TAOK1: variants seen among roughly 807,000 people sequenced by gnomAD.
TAOK1 encodes serine/threonine-protein kinase TAO1.
A neutral mutation model predicts 138.3 loss-of-function variants in TAOK1; 21 were observed. That is an observed-to-expected ratio of 0.15 (90% confidence interval 0.11 to 0.22). TAOK1 has a LOEUF of 0.22. Among genes scored for constraint, TAOK1 ranks in the 10% least tolerant of loss-of-function variants. The probability of loss-of-function intolerance (pLI) is 1.00; values close to 1 mark genes in which losing one functional copy is unlikely to be tolerated. For missense variants in TAOK1, 651 were observed against 1,227.7 expected (o/e 0.53, Z 7.02); for synonymous variants, 361 against 398.4 (o/e 0.91, Z 1.12).
chr17:29,524,923 A>T (rs1022389529), intron 17 of TAOK1, among the ~76,000 whole-genome samples: 2 of 152,182 alleles, frequency 1.3e-5, no homozygotes, highest in Non-Finnish European at 2.9e-5. Context: ...AATGAGTAGA[A>T]ATAAATGTAA....
intron 1 of TAOK1, among the ~76,000 whole-genome samples, chr17:29,422,350 C>G (rs559255264): frequency 6.6e-6 from 1 of 151,244 alleles, no homozygotes; most frequent in Non-Finnish European, 1.5e-5. Flanking sequence ...ACTACAGGCA[C>G]GAGCCACCAC....
Position 29,543,820 on chromosome 17 carries a change from A to G in TAOK1, c.*798A>G, listed in dbSNP as rs1567751210. The G allele has an allele frequency of 6.6e-6, 1 of 152,198 alleles. No homozygotes were observed. The highest frequency in any genetic ancestry group is 1.5e-5 in the Non-Finnish European group (1 of 68,036). The allele number at this position is 152,198 out of a possible 1,614,324, so 9.4% of individuals were successfully genotyped here. A position where few individuals can be genotyped will look rare whatever the true frequency, so the allele number is the denominator to read the frequency against. ...GATGGGGGTACTTAAGGAGATCACA[A>G]GTTGTGTGAGGATTGCATTAACAAA... On this transcript the variant is annotated 3_prime_UTR_variant, in exon 20 of 20. Transcript: ENST00000261716.
At chr17:29,492,879 G>A (rs1434324060) in intron 10 of TAOK1, among the ~76,000 whole-genome samples, 2 of 152,118 alleles carry the variant, frequency 1.3e-5, no homozygotes, top group East Asian at 1.9e-4. Context: ...GGTGGCCCAC[G>A]CCTGTAACCC....
At chr17:29,444,226 T>C (rs2030022368) in intron 1 of TAOK1, among the ~76,000 whole-genome samples, 1 of 152,242 alleles carries the variant, frequency 6.6e-6, no homozygotes, top group Admixed American at 6.5e-5. Flanking sequence ...AGTCTAGGAT[T>C]GCTGTGAAAG....
At position 29,539,879 on chromosome 17, in the gene TAOK1, C is replaced by T. The variant is rs186916519; in HGVS notation, c.2545-2682C>T. On this transcript the variant is annotated intron_variant, in intron 19 of 19. Coordinates refer to ENST00000261716, the MANE Select transcript of TAOK1 (RefSeq NM_020791.4). ...TGGGTGACAGAGCAAGACCCTGTCT[C>T]GAAAAAAAGCAAAAATTGCAGTAGA... 2.9e-3 allele frequency among the ~76,000 whole-genome samples: 437 copies of T among 151,612 alleles called. 4 individuals are homozygous for T. The highest frequency in any genetic ancestry group is 9.5e-3 in the African/African-American group (394 of 41,268).
chr17:29,496,403 C>T (rs2031414463), intron 11 of TAOK1, among the ~76,000 whole-genome samples: 1 of 152,076 alleles, frequency 6.6e-6, no homozygotes, highest in South Asian at 2.1e-4. Context: ...CAGGCATGGG[C>T]CACTGTGCCC....
chr17:29,496,268 TTTTTA>T (rs1201063855), intron 11 of TAOK1, among the ~76,000 whole-genome samples: 3 of 151,722 alleles, frequency 2.0e-5, no homozygotes, highest in Non-Finnish European at 2.9e-5. Flanking sequence ...ACCTGACTAA[TTTTTA>T]TTTTATTTTA....
rs1033553405 is a variant in TAOK1 at position 29,531,263 on chromosome 17, G to A, written c.2361+644G>A. Among the ~76,000 whole-genome samples, 4 of 150,998 alleles carry A rather than the reference G, an allele frequency of 2.6e-5. No individual in the cohort carries two copies. In the East Asian group the frequency reaches 5.9e-4, roughly 22 times the overall value. ...ATTACAGGCATGAGCCACCACGCCC[G>A]GCTACAAATTTTTTATTTATTTATT... On this transcript the variant is annotated intron_variant, in intron 18 of 19. Transcript: ENST00000261716.
intron 18 of TAOK1, among the ~76,000 whole-genome samples, chr17:29,533,011 C>T (rs1449996335): frequency 6.2e-3 from 14 of 2,258 alleles, no homozygotes; most frequent in Non-Finnish European, 9.5e-3. Context: ...TCCAACCGGG[C>T]GGGGGGCTGA....
chr17:29,542,793 T>C lies in TAOK1; in HGVS notation c.2777T>C (p.Met926Thr), dbSNP rs1372503228. 2 of 1,614,096 alleles carry C rather than the reference T, an allele frequency of 1.2e-6. No homozygotes were observed. Among genetic ancestry groups the C allele is most frequent in the Non-Finnish European group, 1.7e-6 (2 of 1,180,008 alleles). ...CCAGGACCTCACTGGGGTCATCCCA[T>C]GGGTGGCCCACCACAAGCTTGGGGC... ...GGPGPHWGHPMGGPPQAWGHP... is the reference protein window; with the variant it reads ...GGPGPHWGHPTGGPPQAWGHP... Residue 926 changes from methionine to threonine, a missense_variant, in exon 20 of 20, where the codon ATG becomes ACG. Met to Thr is a moderately conservative substitution (Grantham distance 81). Coordinates refer to ENST00000261716, the MANE Select transcript of TAOK1 (RefSeq NM_020791.4).
intron 1 of TAOK1, among the ~76,000 whole-genome samples, chr17:29,391,425 G>T (rs934362273): frequency 8.5e-5 from 13 of 152,110 alleles, no homozygotes; most frequent in Admixed American, 6.5e-4. Context: ...GGCTTGCTGG[G>T]TGGATTCCAC....
intron 1 of TAOK1, among the ~76,000 whole-genome samples, chr17:29,394,761 T>C (rs1308323678): frequency 1.3e-5 from 2 of 152,180 alleles, no homozygotes; most frequent in East Asian, 3.9e-4. Flanking sequence ...AGGGTTGCTG[T>C]TTGGATGAGG....
At chr17:29,429,067 C>CTA (rs1905742331) in intron 1 of TAOK1, among the ~76,000 whole-genome samples, 1 of 151,932 alleles carries the variant, frequency 6.6e-6, no homozygotes, top group Non-Finnish European at 1.5e-5. Flanking sequence ...CAGGCAGGTG[C>CTA]TATAGTTTGT....
chr17:29,501,107 G>A (rs2031514549), intron 12 of TAOK1, among the ~76,000 whole-genome samples: 1 of 151,496 alleles, frequency 6.6e-6, no homozygotes, highest in South Asian at 2.1e-4. Flanking sequence ...AAAATGGGCT[G>A]GGCACTGTGG....
chr17:29,458,720 A>T (rs2030456382), intron 2 of TAOK1, among the ~76,000 whole-genome samples: 1 of 151,906 alleles, frequency 6.6e-6, no homozygotes, highest in Admixed American at 6.6e-5. Context: ...TGTGAGACAG[A>T]GTCTCACTCT....
chr17:29,472,573 CTTTTTTTTTTT>C (rs34588170), intron 3 of TAOK1, among the ~76,000 whole-genome samples: 1 of 111,748 alleles, frequency 8.9e-6, no homozygotes, highest in Non-Finnish European at 1.8e-5. Flanking sequence ...TTCTTTCTTT[CTTTTTTTTTTT>C]TTTTTTGAGA....
At chr17:29,499,837 AG>A (rs2031491966) in intron 12 of TAOK1, among the ~76,000 whole-genome samples, 1 of 152,212 alleles carries the variant, frequency 6.6e-6, no homozygotes, top group Admixed American at 6.5e-5. Flanking sequence ...CAGGGATTAC[AG>A]GCGTGAGCCA....
chr17:29,550,195 A>T lies in TAOK1; in HGVS notation c.*7173A>T, dbSNP rs537904383. On this transcript the variant is annotated 3_prime_UTR_variant, in exon 20 of 20. Transcript: ENST00000261716. ...TCTTTTATGATCCTTCTCTGCTAGAACAGGTTAATTCTCCAAATTTGTTTT... is the reference window on the plus strand; with the variant it reads ...TCTTTTATGATCCTTCTCTGCTAGATCAGGTTAATTCTCCAAATTTGTTTT... 7.1e-4 allele frequency: 108 copies of T among 152,286 alleles called. No individual in the cohort carries two copies. The highest frequency in any genetic ancestry group is 2.5e-3 in the African/African-American group (104 of 41,558). 9.4% of individuals were successfully genotyped at this position (152,286 alleles called of 1,614,324 possible). A position where few individuals can be genotyped will look rare whatever the true frequency, so the allele number is the denominator to read the frequency against.
intron 2 of TAOK1, among the ~76,000 whole-genome samples, chr17:29,465,481 A>C (rs1230136045): frequency 1.3e-5 from 2 of 151,718 alleles, no homozygotes; most frequent in Non-Finnish European, 2.9e-5. Context: ...ACCTTTATTG[A>C]GGTATAATTT....
Sources: allele counts gnomAD v4.1 joint callset (sites outside exome capture counted in the v4.1 genomes callset), GRCh38; gene constraint gnomAD v4.1.1; transcripts MANE v1.5; gene names NCBI Gene and HGNC (gene_info 2026-07-23, HGNC 2026-07-21).